VAV1: variants seen among roughly 807,000 people sequenced by gnomAD.
VAV1 encodes vav guanine nucleotide exchange factor 1, also known as proto-oncogene vav.
A neutral mutation model predicts 128.1 loss-of-function variants in VAV1; 33 were observed. That is an observed-to-expected ratio of 0.26 (90% confidence interval 0.20 to 0.34). VAV1 has a LOEUF of 0.34. Ranked by LOEUF, VAV1 falls within the 10% of genes least tolerant of loss-of-function variation. The pLI is 1.00. For missense variants in VAV1, 715 were observed against 1,093.7 expected (o/e 0.65, Z 4.88); for synonymous variants, 394 against 409.8 (o/e 0.96, Z 0.47).
At chr19:6,804,301 T>C (rs926841650) in intron 1 of VAV1, among the ~76,000 whole-genome samples, 4 of 151,750 alleles carry the variant, frequency 2.6e-5, no homozygotes, top group South Asian at 4.2e-4. Flanking sequence ...AGTGGTAGGG[T>C]AGACGAAAAC....
chr19:6,798,953 C>T (rs1971203344), intron 1 of VAV1, among the ~76,000 whole-genome samples: 2 of 150,584 alleles, frequency 1.3e-5, no homozygotes, highest in Non-Finnish European at 3.0e-5. Context: ...CTCGTACCTC[C>T]TGATTTGCTG....
chr19:6,835,562 A>G (rs1358870013), intron 19 of VAV1, among the ~76,000 whole-genome samples: 1 of 152,146 alleles, frequency 6.6e-6, no homozygotes, highest in African/African-American at 2.4e-5. Context: ...ATAGGGAACC[A>G]CTGTCTGACC....
chr19:6,778,938 A>C (rs111896466), intron 1 of VAV1, among the ~76,000 whole-genome samples: 3 of 146,022 alleles, frequency 2.1e-5, no homozygotes, highest in Non-Finnish European at 3.0e-5. Flanking sequence ...GTGCAGTGGT[A>C]TGATCACAGC....
chr19:6,830,042 A>C (rs1324506826), intron 14 of VAV1, 124 bp downstream of exon 14: 4 of 1,455,040 alleles, frequency 2.7e-6, no homozygotes, highest in Non-Finnish European at 3.7e-6. Context: ...TCCACTCAAC[A>C]GGTGTTTTTT....
chr19:6,826,554 C>G lies in VAV1; in HGVS notation c.828-58C>G. The G allele has an allele frequency of 7.3e-7, 1 of 1,364,238 alleles. No homozygotes were observed. Among genetic ancestry groups the G allele is most frequent in the Non-Finnish European group, 1.0e-6 (1 of 980,160 alleles). 84.5% of individuals were successfully genotyped at this position (1,364,238 alleles called of 1,614,324 possible). On this transcript the variant is annotated intron_variant, in intron 8 of 26. Transcript: ENST00000602142. This position sits in a 1 kb window ranked among gnomAD's most constrained non-coding sequence, Gnocchi z 4.1. ...AGAGCAAGGCCAGGGCTGACGCCAG[C>G]CTCTGCCCGACCTTGATGCCAGTCA...
chr19:6,834,779 G>C (rs1170395567), intron 19 of VAV1, among the ~76,000 whole-genome samples: 3 of 149,978 alleles, frequency 2.0e-5, no homozygotes, highest in Non-Finnish European at 3.0e-5. Context: ...AGAGGCAGGA[G>C]TGTTCCACTT....
intron 24 of VAV1, 22 bp downstream of exon 24, chr19:6,850,779 A>T: frequency 6.2e-7 from 1 of 1,612,850 alleles, no homozygotes. Flanking sequence ...TGTCCGCTCA[A>T]TCCCAGCTTT....
chr19:6,855,615 A>G (rs578171052), intron 26 of VAV1, among the ~76,000 whole-genome samples: 12 of 151,888 alleles, frequency 7.9e-5, no homozygotes, highest in Non-Finnish European at 1.5e-4. Flanking sequence ...GCCAACATCT[A>G]TTCATCCATT....
intron 1 of VAV1, among the ~76,000 whole-genome samples, chr19:6,808,141 G>A (rs971690012): frequency 4.0e-5 from 6 of 151,674 alleles, no homozygotes; most frequent in East Asian, 1.9e-4. Context: ...GGTGAAACCC[G>A]TCTCTACTAA....
intron 14 of VAV1, 104 bp from the exon 15 acceptor site, chr19:6,831,987 C>A: frequency 1.2e-6 from 1 of 850,702 alleles, no homozygotes. Context: ...GGCATAGAGA[C>A]TGTCATGGGC....
At chr19:6,779,994 C>A (rs927991694) in intron 1 of VAV1, among the ~76,000 whole-genome samples, 4 of 148,648 alleles carry the variant, frequency 2.7e-5, no homozygotes, top group African/African-American at 9.8e-5. Context: ...GCCTGTAGTC[C>A]CAGCTACTCG....
intron 21 of VAV1, among the ~76,000 whole-genome samples, chr19:6,840,266 G>C (rs1972337245): frequency 1.3e-5 from 2 of 151,424 alleles, no homozygotes; most frequent in South Asian, 2.1e-4. Context: ...TGTATTCAAG[G>C]CTCATCCATG....
intron 14 of VAV1, 42 bp downstream of exon 14, chr19:6,829,960 C>G (rs764604340): frequency 6.2e-6 from 10 of 1,612,804 alleles, no homozygotes; most frequent in South Asian, 2.2e-5. Context: ...TCCACGCAGT[C>G]GGCAGCTTAG....
At position 6,822,642 on chromosome 19, in the gene VAV1, A is replaced by T. The variant is rs1971822347; in HGVS notation, c.654+128A>T. On this transcript the variant is annotated intron_variant, in intron 6 of 26. Coordinates refer to ENST00000602142, the MANE Select transcript of VAV1 (RefSeq NM_005428.4). The surrounding 1 kb of genome is among the most constrained non-coding windows in gnomAD (Gnocchi z 5.9). ...GCTCCCATCGCTTTTCCTTTCTGTGACTGTCTCCGTCTCTGAGTTTCTCTG... is the reference window on the plus strand; with the variant it reads ...GCTCCCATCGCTTTTCCTTTCTGTGTCTGTCTCCGTCTCTGAGTTTCTCTG... 1 of 723,226 alleles carries T rather than the reference A, an allele frequency of 1.4e-6. No individual in the cohort carries two copies. Among genetic ancestry groups the T allele is most frequent in the South Asian group, 1.8e-5 (1 of 54,140 alleles). The allele number at this position is 723,226 out of a possible 1,614,324, so 44.8% of individuals were successfully genotyped here.
At chr19:6,810,172 T>C (rs1599643746) in intron 1 of VAV1, among the ~76,000 whole-genome samples, 1 of 151,662 alleles carries the variant, frequency 6.6e-6, no homozygotes, top group Non-Finnish European at 1.5e-5. Flanking sequence ...GAGCAAGACC[T>C]CATCTCTACA....
At chr19:6,781,872 T>C (rs1970774405) in intron 1 of VAV1, among the ~76,000 whole-genome samples, 1 of 152,160 alleles carries the variant, frequency 6.6e-6, no homozygotes, top group Non-Finnish European at 1.5e-5. Flanking sequence ...CCTCCCAAAG[T>C]GCTGGGATTA....
intron 1 of VAV1, among the ~76,000 whole-genome samples, chr19:6,808,934 T>A (rs1245119866): frequency 6.6e-6 from 1 of 152,112 alleles, no homozygotes; most frequent in Admixed American, 6.6e-5. Context: ...CGGTCTCTCA[T>A]CCTCTGGCAA....
chr19:6,808,107 G>T (rs1278054954), intron 1 of VAV1, among the ~76,000 whole-genome samples: 1 of 151,952 alleles, frequency 6.6e-6, no homozygotes, highest in Non-Finnish European at 1.5e-5. Flanking sequence ...GAGGTCAGGA[G>T]TTTGAGACCA....
At chr19:6,810,611 T>C (rs1971493713) in intron 1 of VAV1, among the ~76,000 whole-genome samples, 1 of 151,900 alleles carries the variant, frequency 6.6e-6, no homozygotes, top group African/African-American at 2.4e-5. Flanking sequence ...AGGCTGAGGC[T>C]GGAGAATTGC....
Sources: allele counts gnomAD v4.1 joint callset (sites outside exome capture counted in the v4.1 genomes callset), GRCh38; gene constraint gnomAD v4.1.1; non-coding constraint Gnocchi (gnomAD v3.1); transcripts MANE v1.5; gene names NCBI Gene and HGNC (gene_info 2026-07-23, HGNC 2026-07-21).